The following SMYD4 variants were observed in gnomAD, a reference collection of about 807,000 sequenced individuals.
SMYD4 encodes SET and MYND domain containing 4, also known as protein-lysine N-methyltransferase SMYD4.
In SMYD4, 68 loss-of-function variants were observed where a neutral mutation model predicts 72.8. The observed-to-expected ratio is 0.93, with a 90% CI of 0.77 to 1.14. The LOEUF (loss-of-function observed/expected upper bound fraction) is 1.14. Ranked by LOEUF, SMYD4 falls within the 50% of genes most tolerant of loss-of-function variation. The pLI is 0.00. For missense variants in SMYD4, 984 were observed against 1,003.7 expected (o/e 0.98, Z 0.27); for synonymous variants, 407 against 388.6 (o/e 1.05, Z -0.56).
chr17:1,783,083 A>G lies in SMYD4; in HGVS notation c.2213T>C (p.Val738Ala). 1 of 1,614,218 alleles carries G rather than the reference A, an allele frequency of 6.2e-7. No individual in the cohort carries two copies. Among genetic ancestry groups the G allele is most frequent in the Non-Finnish European group, 8.5e-7 (1 of 1,180,046 alleles). The change falls in exon 10 of 11, where the codon GTT becomes GCT. Residue 738 changes from valine to alanine, a missense_variant. Physicochemically the swap from Val to Ala is moderately conservative, Grantham distance 64. Coordinates refer to ENST00000305513, the MANE Select transcript of SMYD4 (RefSeq NM_052928.3). ...VVEVRHGPSS[V>A]EMGHELFKLA... ...TTTGAAGAGCTCATGGCCCATTTCA[A>G]CACTGGACGGCCCGTGGCGAACCTC...
At chr17:1,790,544 T>C (rs111880036) in intron 5 of SMYD4, among the ~76,000 whole-genome samples, 1 of 152,058 alleles carries the variant, frequency 6.6e-6, no homozygotes, top group African/African-American at 2.4e-5. Context: ...TCAGATGTAG[T>C]CTCACTCTGT....
Position 1,827,922 on chromosome 17 carries a change from C to T in SMYD4, c.73G>A (p.Val25Ile). Reference sequence around the variant, plus strand: ...AAGGTCTCTGCTGTAGAAATTGTGACCTGAACAGACGTCGGGAGTGAAGCC... The same window carrying T: ...AAGGTCTCTGCTGTAGAAATTGTGATCTGAACAGACGTCGGGAGTGAAGCC... Reference protein sequence around the residue: ...KWASLPTSVQVTISTAETLRD... With the variant: ...KWASLPTSVQITISTAETLRD... The change falls in exon 2 of 11, where the codon GTC becomes ATC. Residue 25 changes from valine (V) to isoleucine (I), a missense_variant. By Grantham distance (29) the Val-to-Ile change is conservative. Coordinates refer to ENST00000305513, the MANE Select transcript of SMYD4 (RefSeq NM_052928.3). 6.2e-6 allele frequency: 10 copies of T among 1,613,526 alleles called. No homozygotes were observed. Among genetic ancestry groups the T allele is most frequent in the Non-Finnish European group, 8.5e-6 (10 of 1,179,524 alleles).
chr17:1,799,974 TA>T lies in SMYD4; in HGVS notation c.1419del (p.Ala475GlnfsTer3). On this transcript the variant is annotated frameshift_variant, in exon 5 of 11. Transcript: ENST00000305513. LOFTEE classifies it high-confidence loss of function. Reference protein sequence around the residue: ...PTERIVNSSQLKAAVTPELCP... With the variant: ...PTERIVNSSQXKAAVTPELCP... ...CACAATTCAGGTGTCACTGCTGCTTTAAGCTGAGAGGAGTTCACAATCCTCT... is the reference window on the plus strand; with the variant it reads ...CACAATTCAGGTGTCACTGCTGCTTTAGCTGAGAGGAGTTCACAATCCTCT... 2 of 1,614,184 alleles carry T rather than the reference TA, an allele frequency of 1.2e-6. No individual in the cohort carries two copies. Among genetic ancestry groups the T allele is most frequent in the Non-Finnish European group, 1.7e-6 (2 of 1,180,022 alleles).
intron 3 of SMYD4, among the ~76,000 whole-genome samples, chr17:1,810,426 A>G (rs1910270687): frequency 6.6e-6 from 1 of 152,096 alleles, no homozygotes; most frequent in Admixed American, 6.6e-5. Flanking sequence ...AATCCCAGCT[A>G]CTCAGGAGAC....
intron 1 of SMYD4, among the ~76,000 whole-genome samples, chr17:1,828,982 CCT>C (rs34449436): frequency 0.65 from 98,395 of 151,606 alleles, 33,666 homozygotes; most frequent in Non-Finnish European, 0.79. Context: ...AAGGTATTTC[CCT>C]CTCTTACATA....
In SMYD4 at chr17:1,787,601, G is replaced by A. The variant is rs201149828; in HGVS notation, c.1541C>T (p.Pro514Leu). The A allele has an allele frequency of 3.2e-5, 51 of 1,582,080 alleles. No homozygotes were observed. Among genetic ancestry groups the A allele is most frequent in the Non-Finnish European group, 4.1e-5 (48 of 1,163,966 alleles). The stretch of plus-strand genomic sequence containing the variant: ...GCTGTCGGTAACGATGCTCCCTTTA[G>A]GTCCTGAAAGGGCAAGAGGAAAGAA... ...QAMTTIQHTG[P>L]KGSIVTDSRQ... The change falls in exon 6 of 11, where the codon CCT becomes CTT. Residue 514 changes from proline to leucine, a missense_variant. Coordinates refer to ENST00000305513, the MANE Select transcript of SMYD4 (RefSeq NM_052928.3).
chr17:1,782,495 A>G (rs931285657), intron 10 of SMYD4: 2 of 151,494 alleles, frequency 1.3e-5, no homozygotes, highest in South Asian at 2.0e-4. Context: ...AAAAAAAAAA[A>G]AGTCTCCAGG....
chr17:1,817,792 C>A (rs756211983), intron 2 of SMYD4, among the ~76,000 whole-genome samples: 12 of 151,976 alleles, frequency 7.9e-5, no homozygotes, highest in Non-Finnish European at 1.3e-4. Context: ...CAGTGGATCA[C>A]GCCCCAGAAC....
chr17:1,803,581 C>T (rs1909880678), intron 4 of SMYD4, among the ~76,000 whole-genome samples: 1 of 152,042 alleles, frequency 6.6e-6, no homozygotes, highest in South Asian at 2.1e-4. Flanking sequence ...CTCACTGCAA[C>T]ATCTGCCTCC....
chr17:1,798,559 T>C (rs1170513129), intron 5 of SMYD4, among the ~76,000 whole-genome samples: 1 of 151,216 alleles, frequency 6.6e-6, no homozygotes, highest in Admixed American at 6.6e-5. Flanking sequence ...GCCCAGGAGT[T>C]CAAGACCAGC....
intron 2 of SMYD4, among the ~76,000 whole-genome samples, chr17:1,818,181 G>GA (rs972442337): frequency 8.6e-5 from 13 of 151,668 alleles, no homozygotes; most frequent in African/African-American, 2.4e-4. Flanking sequence ...GATACAGACA[G>GA]AAAAAAAACA....
At chr17:1,796,179 C>A (rs1179443609) in intron 5 of SMYD4, among the ~76,000 whole-genome samples, 1 of 151,882 alleles carries the variant, frequency 6.6e-6, no homozygotes, top group Non-Finnish European at 1.5e-5. Context: ...GTTGCCCAGG[C>A]TCTAGTGCAG....
chr17:1,783,749 C>A, intron 8 of SMYD4: 1 of 502,510 alleles, frequency 2.0e-6, no homozygotes, highest in Non-Finnish European at 3.5e-6. Context: ...CTACCTTTCA[C>A]GTACGGCCAT....
intron 2 of SMYD4, among the ~76,000 whole-genome samples, chr17:1,816,653 G>C (rs1910613546): frequency 6.6e-6 from 1 of 151,536 alleles, no homozygotes; most frequent in Non-Finnish European, 1.5e-5. Context: ...AAGAGATGGA[G>C]TCTCCCTTTG....
intron 2 of SMYD4, among the ~76,000 whole-genome samples, chr17:1,827,447 C>T (rs12602743): frequency 0.65 from 98,689 of 151,818 alleles, 33,808 homozygotes; most frequent in Non-Finnish European, 0.79. Context: ...CAAAAGAGCA[C>T]ACACATATAT....
At position 1,781,265 on chromosome 17, in the gene SMYD4, G is replaced by T. The variant is rs369177207; in HGVS notation, c.*21C>A. 1.9e-6 allele frequency: 3 copies of T among 1,604,122 alleles called. No homozygotes were observed. The highest frequency in any genetic ancestry group is 3.5e-5 in the Admixed American group (2 of 57,522). ...GTGTTCCATGGGCTCCTTTTCTGTG[G>T]GTCAAAATCCTCCTGGAACCCTACA... On this transcript the variant is annotated 3_prime_UTR_variant, in exon 11 of 11. Coordinates refer to ENST00000305513, the MANE Select transcript of SMYD4 (RefSeq NM_052928.3).
chr17:1,792,062 G>A (rs986136455), intron 5 of SMYD4, among the ~76,000 whole-genome samples: 6 of 150,478 alleles, frequency 4.0e-5, no homozygotes, highest in South Asian at 4.2e-4. Flanking sequence ...TTTTTGAGAC[G>A]GGGTCTCGCT....
intron 2 of SMYD4, among the ~76,000 whole-genome samples, chr17:1,814,985 T>C (rs1910514609): frequency 6.6e-6 from 1 of 152,220 alleles, no homozygotes; most frequent in Non-Finnish European, 1.5e-5. Context: ...AAAACCCTAG[T>C]TCAAACAAAA....
chr17:1,827,612 A>G (rs1051283485), intron 2 of SMYD4, among the ~76,000 whole-genome samples: 4 of 152,152 alleles, frequency 2.6e-5, no homozygotes, highest in African/African-American at 7.2e-5. Flanking sequence ...ACGAACCAGG[A>G]AAAGTACTTC....
Sources: allele counts gnomAD v4.1 joint callset (sites outside exome capture counted in the v4.1 genomes callset), GRCh38; gene constraint gnomAD v4.1.1; transcripts MANE v1.5; gene names NCBI Gene and HGNC (gene_info 2026-07-23, HGNC 2026-07-21).